The following TTC9C variants were observed in gnomAD, a reference collection of about 807,000 sequenced individuals.
The protein encoded by TTC9C is tetratricopeptide repeat domain 9C.
TTC9C carries 15 observed loss-of-function variants against 22.5 expected under a neutral mutation model. That is an observed-to-expected ratio of 0.67 (90% CI 0.45 to 1.03). TTC9C has a LOEUF of 1.03. TTC9C is among the 50% of genes least tolerant of loss of function. The pLI, the probability that TTC9C is intolerant of heterozygous loss-of-function variation, is 0.00. For synonymous variants in TTC9C, 92 were observed against 86.8 expected (o/e 1.06, Z -0.33); for missense variants, 244 against 214.6 (o/e 1.14, Z -0.86).
intron 1 of TTC9C, among the ~76,000 whole-genome samples, chr11:62,731,348 A>G (rs1001343898): frequency 3.3e-5 from 5 of 152,196 alleles, no homozygotes; most frequent in Admixed American, 2.0e-4. Context: ...TAGCTGGTGC[A>G]GTGGCTCACA....
intron 1 of TTC9C, chr11:62,733,346 T>A: frequency 2.8e-6 from 1 of 352,796 alleles, no homozygotes; most frequent in Non-Finnish European, 5.1e-6. Context: ...TTAGACAAGT[T>A]ATTTGTCTGA....
rs2083802063 is a variant in TTC9C, at chr11:62,728,836, G to C, written c.-13G>C. On this transcript the variant is annotated 5_prime_UTR_variant, in exon 1 of 3. Transcript: ENST00000316461. ...TTCACTTCCCAGTTCCGCAAGAACCGTGGGCGACAGTTATGGAGAAGCGTC... is the reference window on the plus strand; with the variant it reads ...TTCACTTCCCAGTTCCGCAAGAACCCTGGGCGACAGTTATGGAGAAGCGTC... 1 of 1,613,532 alleles carries C rather than the reference G, an allele frequency of 6.2e-7. No homozygotes were observed. The highest frequency in any genetic ancestry group is 1.3e-5 in the African/African-American group (1 of 74,900).
At position 62,730,414 on chromosome 11, in the gene TTC9C, C is replaced by A. The variant is rs1218536249; in HGVS notation, c.238+1328C>A. On this transcript the variant is annotated intron_variant, in intron 1 of 2. Transcript: ENST00000316461. ...TATTGAGTGCCTATAACATGTTGGG[C>A]AGTCATTTACAGATATCTGCCATCT... 3.9e-5 allele frequency among the ~76,000 whole-genome samples: 6 copies of A among 152,142 alleles called. No homozygotes were observed. In the East Asian group the frequency reaches 1.2e-3, roughly 29 times the overall value.
upstream of TTC9C, chr11:62,728,295 T>C (rs2083787642): frequency 2.8e-6 from 1 of 351,206 alleles, no homozygotes; most frequent in Non-Finnish European, 5.6e-6. Context: ...GTGACGCTTA[T>C]GTGGACACCT....
chr11:62,737,828 C>G (rs1000985293), intron 2 of TTC9C, among the ~76,000 whole-genome samples: 23 of 152,032 alleles, frequency 1.5e-4, no homozygotes, highest in Non-Finnish European at 1.2e-4. Flanking sequence ...GTCAGGAGTT[C>G]CAGACCAGCT....
intron 1 of TTC9C, among the ~76,000 whole-genome samples, chr11:62,731,529 C>T (rs949398874): frequency 8.6e-5 from 13 of 152,026 alleles, no homozygotes; most frequent in African/African-American, 2.4e-4. Context: ...CATGGGAGGC[C>T]GGGGCTGCAG....
At chr11:62,730,894 T>C (rs2083840871) in intron 1 of TTC9C, among the ~76,000 whole-genome samples, 1 of 133,370 alleles carries the variant, frequency 7.5e-6, no homozygotes, top group African/African-American at 3.3e-5. Flanking sequence ...TTTATTTATT[T>C]ATTTTTTTTT....
rs769466961 is a variant in TTC9C, at chr11:62,729,062, A to G, written c.214A>G (p.Thr72Ala). The change falls in exon 1 of 3, where the codon ACA becomes GCA. Residue 72 changes from threonine (T) to alanine (A), a missense_variant. By Grantham distance (58) the Thr-to-Ala change is moderately conservative (BLOSUM62 0). Coordinates refer to ENST00000316461, the MANE Select transcript of TTC9C (RefSeq NM_173810.4). Reference sequence around the variant, plus strand: ...AGAAAACATATTGCATACCACCCAGACAGACTGCTATAACAATCTAGCTGG... The same window carrying G: ...AGAAAACATATTGCATACCACCCAGGCAGACTGCTATAACAATCTAGCTGG... ...EQENILHTTQ[T>A]DCYNNLAACL... The G allele has an allele frequency of 6.2e-7, 1 of 1,614,116 alleles. No homozygotes were observed. The highest frequency in any genetic ancestry group is 8.5e-7 in the Non-Finnish European group (1 of 1,180,020).
intron 1 of TTC9C, among the ~76,000 whole-genome samples, chr11:62,731,590 G>A (rs779139884): frequency 3.3e-5 from 5 of 152,018 alleles, no homozygotes; most frequent in Non-Finnish European, 4.4e-5. Flanking sequence ...GAGCAAGTAA[G>A]ACTCTGTCCC....
intron 1 of TTC9C, among the ~76,000 whole-genome samples, chr11:62,729,903 G>T (rs1437948409): frequency 6.6e-6 from 1 of 151,874 alleles, no homozygotes; most frequent in African/African-American, 2.4e-5. Context: ...CAGCCTTCTG[G>T]GTATTGTTGA....
intron 1 of TTC9C, among the ~76,000 whole-genome samples, chr11:62,729,853 T>C (rs973948104): frequency 3.9e-5 from 6 of 151,904 alleles, no homozygotes; most frequent in Non-Finnish European, 5.9e-5. Context: ...TGGGATTACA[T>C]GCGTGAGCCA....
chr11:62,733,895 G>A (rs966492195), intron 1 of TTC9C, among the ~76,000 whole-genome samples: 1 of 152,032 alleles, frequency 6.6e-6, no homozygotes, highest in Non-Finnish European at 1.5e-5. Flanking sequence ...AGGAGGCTGA[G>A]GCAGAAGAAT....
At chr11:62,735,349 C>T (rs1054387898) in intron 1 of TTC9C, 33 bp from the exon 2 acceptor site, 1 of 1,609,194 alleles carries the variant, frequency 6.2e-7, no homozygotes, top group Non-Finnish European at 8.5e-7. Context: ...CGAGCCCCTC[C>T]TACCTCTTCT....
chr11:62,733,204 G>A (rs1565171462), intron 1 of TTC9C: 2 of 1,267,728 alleles, frequency 1.6e-6, no homozygotes, highest in African/African-American at 3.1e-5. Context: ...CTGCAGGTTT[G>A]TATTTCAAGG....
chr11:62,734,258 A>G (rs1197236901), intron 1 of TTC9C, among the ~76,000 whole-genome samples: 2 of 151,732 alleles, frequency 1.3e-5, no homozygotes, highest in Non-Finnish European at 2.9e-5. Flanking sequence ...AGATCGCGCC[A>G]TTGCACTCCA....
chr11:62,728,555 T>C lies in TTC9C; in HGVS notation c.-294T>C, dbSNP rs1402542984. ...CCTTGCTTGAGTTCTTCGGAAAGTC[T>C]CATCCACCCCCACATCGCCTCTTTA... On this transcript the variant is annotated 5_prime_UTR_variant, in exon 1 of 3. Transcript: ENST00000316461. The C allele has an allele frequency of 3.8e-6, 2 of 529,830 alleles. No individual in the cohort carries two copies. Among genetic ancestry groups the C allele is most frequent in the Non-Finnish European group, 7.3e-6 (2 of 275,734 alleles). 32.8% of individuals were successfully genotyped at this position (529,830 alleles called of 1,614,324 possible).
intron 1 of TTC9C, chr11:62,733,166 T>C: frequency 7.8e-7 from 1 of 1,287,694 alleles, no homozygotes; most frequent in Non-Finnish European, 1.0e-6. Flanking sequence ...AGGCAGAACA[T>C]TGACCTGAAT....
At chr11:62,735,163 G>A (rs1443799411) in intron 1 of TTC9C, among the ~76,000 whole-genome samples, 1 of 152,192 alleles carries the variant, frequency 6.6e-6, no homozygotes, top group African/African-American at 2.4e-5. Context: ...CAAAGTGCTG[G>A]GATTACAGGC....
chr11:62,738,560 A>G lies in TTC9C; in HGVS notation c.*178A>G, dbSNP rs969567085. ...AGTCTGAGTCTTTTTCTGTCTATCC[A>G]TCTGTTTATTTCTATACCTTTCAAT... On this transcript the variant is annotated 3_prime_UTR_variant, in exon 3 of 3. Transcript: ENST00000316461. 5.8e-6 allele frequency: 3 copies of G among 517,882 alleles called. No homozygotes were observed. The highest frequency in any genetic ancestry group is 6.2e-5 in the East Asian group (2 of 32,076). 32.1% of individuals were successfully genotyped at this position (517,882 alleles called of 1,614,324 possible).
Sources: allele counts gnomAD v4.1 joint callset (sites outside exome capture counted in the v4.1 genomes callset), GRCh38; gene constraint gnomAD v4.1.1; transcripts MANE v1.5; gene names NCBI Gene and HGNC (gene_info 2026-07-23, HGNC 2026-07-21).